CREB5: variants seen among roughly 807,000 people sequenced by gnomAD.
CREB5 encodes cAMP responsive element binding protein 5, also known as cyclic AMP-responsive element-binding protein 5.
A neutral mutation model predicts 57.1 loss-of-function variants in CREB5; 19 were observed. The ratio of observed to expected loss-of-function variants is 0.33; its 90% confidence interval spans 0.23 to 0.49. CREB5 has a LOEUF of 0.49. Among genes scored for constraint, CREB5 ranks in the 20% least tolerant of loss-of-function variants. The pLI, the probability that CREB5 is intolerant of heterozygous loss-of-function variation, is 0.99. For missense variants in CREB5, 579 were observed against 671.6 expected (o/e 0.86, Z 1.52); for synonymous variants, 238 against 238.3 (o/e 1.00, Z 0.01).
At chr7:28,681,429 G>A (rs1469788535) in intron 5 of CREB5, among the ~76,000 whole-genome samples, 1 of 152,046 alleles carries the variant, frequency 6.6e-6, no homozygotes, top group African/African-American at 2.4e-5. Flanking sequence ...GAGTGCAGTG[G>A]TGCGATCATG....
At chr7:28,698,921 A>G (rs1169064788) in intron 5 of CREB5, among the ~76,000 whole-genome samples, 1 of 152,176 alleles carries the variant, frequency 6.6e-6, no homozygotes, top group Non-Finnish European at 1.5e-5. Flanking sequence ...ATGCCCTCCA[A>G]TTATTTTTTA....
intron 1 of CREB5, among the ~76,000 whole-genome samples, chr7:28,376,977 A>C (rs1163169947): frequency 6.6e-6 from 1 of 152,232 alleles, no homozygotes; most frequent in Non-Finnish European, 1.5e-5. Context: ...ATAGGCTTAG[A>C]GTGAGAATTA....
intron 4 of CREB5, among the ~76,000 whole-genome samples, chr7:28,560,925 C>CGCGCGT (rs1562797870): frequency 3.0e-5 from 1 of 33,480 alleles, no homozygotes; most frequent in Non-Finnish European, 5.2e-5. Flanking sequence ...CGTGTGTGCG[C>CGCGCGT]GTGCGTGTGT....
rs1180867847 is a variant in CREB5 at position 28,560,986 on chromosome 7, G to A, written c.292-9379G>A. ...CGTGTGTGTGTGCGTGTGTGCGTGC[G>A]TGTGTGTGCCTGCGTGTGCGTGTGT... is the stretch of plus-strand genomic sequence containing the variant. On this transcript the variant is annotated intron_variant, in intron 4 of 10. Coordinates refer to ENST00000357727, the MANE Select transcript of CREB5 (RefSeq NM_182898.4). Among the ~76,000 whole-genome samples, 2 of 69,080 alleles carry A rather than the reference G, an allele frequency of 2.9e-5. 1 individual carries two copies. Among genetic ancestry groups the A allele is most frequent in the African/African-American group, 8.0e-5 (2 of 25,038 alleles). The allele number at this position is 69,080 out of a possible 152,430, so 45.3% of individuals were successfully genotyped here. A position where few individuals can be genotyped will look rare whatever the true frequency, so the allele number is the denominator to read the frequency against.
intron 5 of CREB5, among the ~76,000 whole-genome samples, chr7:28,607,629 G>A (rs992583235): frequency 6.6e-6 from 1 of 152,162 alleles, no homozygotes; most frequent in Non-Finnish European, 1.5e-5. Context: ...AACTCTGGAA[G>A]TGTAGTGCAT....
At chr7:28,700,365 G>T (rs1371818574) in intron 5 of CREB5, among the ~76,000 whole-genome samples, 1 of 152,070 alleles carries the variant, frequency 6.6e-6, no homozygotes, top group African/African-American at 2.4e-5. Flanking sequence ...ACTTTGAGGG[G>T]TATCTCCCAT....
At chr7:28,489,744 G>A (rs182381133) in intron 2 of CREB5, among the ~76,000 whole-genome samples, 1 of 152,318 alleles carries the variant, frequency 6.6e-6, no homozygotes, top group East Asian at 1.9e-4. Flanking sequence ...TCAGGTTCTA[G>A]AAGTTTCACC....
At chr7:28,493,721 C>A (rs1000230090) in intron 2 of CREB5, among the ~76,000 whole-genome samples, 12 of 152,146 alleles carry the variant, frequency 7.9e-5, no homozygotes, top group African/African-American at 2.9e-4. Flanking sequence ...AAAATTCAGT[C>A]CCACCATGTG....
chr7:28,302,426 G>A (rs1261593991), intron 1 of CREB5, among the ~76,000 whole-genome samples: 1 of 152,086 alleles, frequency 6.6e-6, no homozygotes, highest in African/African-American at 2.4e-5. Flanking sequence ...ATGTGTTTTT[G>A]TCATGTTTAC....
chr7:28,529,381 G>A lies in CREB5; in HGVS notation c.291+21644G>A, dbSNP rs539984764. ...TTGGCAGGCAGAAAAGGATGGGCCA[G>A]GAAAGTAGGGAAGGAGTGAGACGAG... is the stretch of plus-strand genomic sequence containing the variant. On this transcript the variant is annotated intron_variant, in intron 4 of 10. Transcript: ENST00000357727. Among the ~76,000 whole-genome samples, 3 of 152,290 alleles carry A rather than the reference G, an allele frequency of 2.0e-5. No homozygotes were observed. In the South Asian group the frequency reaches 6.2e-4, roughly 32 times the overall value.
chr7:28,544,741 C>G (rs1794351861), intron 4 of CREB5, among the ~76,000 whole-genome samples: 1 of 152,154 alleles, frequency 6.6e-6, no homozygotes, highest in South Asian at 2.1e-4. Context: ...ACACTGTTGC[C>G]TCTTTGCAGA....
At chr7:28,818,583 C>T (rs1038251345) in intron 10 of CREB5, among the ~76,000 whole-genome samples, 2 of 152,190 alleles carry the variant, frequency 1.3e-5, no homozygotes, top group African/African-American at 4.8e-5. Context: ...GCATGTTACT[C>T]ACTGGGCTGA....
At chr7:28,519,027 A>T (rs1793094498) in intron 4 of CREB5, among the ~76,000 whole-genome samples, 1 of 152,238 alleles carries the variant, frequency 6.6e-6, no homozygotes, top group South Asian at 2.1e-4. Context: ...TTCATACATC[A>T]CTAGAGCATC....
Position 28,643,109 on chromosome 7 carries a change from C to T in CREB5, c.464+72572C>T, listed in dbSNP as rs1037426205. On this transcript the variant is annotated intron_variant, in intron 5 of 10. Coordinates refer to ENST00000357727, the MANE Select transcript of CREB5 (RefSeq NM_182898.4). ...TCCTCGAGAATAAATTCTCAATTGT[C>T]GGGTCCTGAGGGTTTGCAGTGGCAC... 5.3e-5 allele frequency among the ~76,000 whole-genome samples: 8 copies of T among 151,856 alleles called. No homozygotes were observed. The East Asian group carries it at 1.2e-3, about 22-fold the overall frequency.
At chr7:28,351,610 G>C (rs776124977) in intron 1 of CREB5, among the ~76,000 whole-genome samples, 27 of 151,922 alleles carry the variant, frequency 1.8e-4, no homozygotes, top group South Asian at 4.2e-4. Flanking sequence ...TCTCTCCTTT[G>C]CTTCTATGAA....
chr7:28,551,122 T>C (rs1356895003), intron 4 of CREB5, among the ~76,000 whole-genome samples: 3 of 152,112 alleles, frequency 2.0e-5, no homozygotes, highest in Middle Eastern at 3.4e-3. Context: ...GCCAAGCCGA[T>C]TGGTATATGG....
intron 5 of CREB5, among the ~76,000 whole-genome samples, chr7:28,594,469 T>C (rs2128665981): frequency 6.7e-6 from 1 of 148,940 alleles, no homozygotes; most frequent in South Asian, 2.2e-4. Context: ...CTTTCAAACA[T>C]TCCTGGGGTT....
At chr7:28,363,698 C>T (rs10486581) in intron 1 of CREB5, among the ~76,000 whole-genome samples, 21,249 of 152,098 alleles carry the variant, frequency 0.14, 1,789 homozygotes, top group Non-Finnish European at 0.19. Flanking sequence ...TAGCACTGTG[C>T]CATTGAAGAA....
chr7:28,353,514 A>T (rs1786277475), intron 1 of CREB5, among the ~76,000 whole-genome samples: 1 of 152,132 alleles, frequency 6.6e-6, no homozygotes, highest in Non-Finnish European at 1.5e-5. Context: ...TACATATAAG[A>T]TAAAGTGTTT....
Sources: gnomAD v4.1 joint callset for allele counts (sites outside exome capture counted in the v4.1 genomes callset) on GRCh38, gnomAD v4.1.1 for gene constraint, MANE v1.5 for transcripts, NCBI Gene and HGNC (gene_info 2026-07-23, HGNC 2026-07-21) for gene names.